Variants in PEBP4 observed in about 807,000 individuals in gnomAD.
PEBP4 encodes phosphatidylethanolamine binding protein 4.
Under a neutral mutation model 23.9 loss-of-function variants are expected in PEBP4, and 22 were observed. The observed-to-expected ratio is 0.92, with a 90% CI of 0.66 to 1.31. The LOEUF (loss-of-function observed/expected upper bound fraction) is 1.31. Ranked by LOEUF, PEBP4 falls within the 40% of genes most tolerant of loss-of-function variation. The pLI is 0.00. For synonymous variants in PEBP4, 112 were observed against 99.3 expected (o/e 1.13, Z -0.76); for missense variants, 324 against 281.7 (o/e 1.15, Z -1.07).
chr8:22,924,213 A>C (rs1299855769), intron 2 of PEBP4, among the ~76,000 whole-genome samples: 1 of 152,038 alleles, frequency 6.6e-6, no homozygotes, highest in African/African-American at 2.4e-5. Flanking sequence ...AAAATAAGAA[A>C]CTTAGCCAGG....
At chr8:22,860,116 CAAA>C (rs61162189) in intron 3 of PEBP4, among the ~76,000 whole-genome samples, 44 of 91,084 alleles carry the variant, frequency 4.8e-4, no homozygotes, top group Middle Eastern at 6.0e-3. Flanking sequence ...GACTCCGTCT[CAAA>C]AAAAAAAAAA....
chr8:22,751,231 G>A (rs906274002), intron 4 of PEBP4, among the ~76,000 whole-genome samples: 3 of 152,270 alleles, frequency 2.0e-5, no homozygotes, highest in South Asian at 4.1e-4. Flanking sequence ...AAGATCCCAC[G>A]AGTAGGAGAG....
At chr8:22,869,334 G>GTTTA (rs1190450326) in intron 3 of PEBP4, among the ~76,000 whole-genome samples, 8 of 152,134 alleles carry the variant, frequency 5.3e-5, no homozygotes, top group African/African-American at 1.9e-4. Flanking sequence ...ATTTATGTTT[G>GTTTA]TTTATTTATT....
chr8:22,907,071 A>G (rs1369778934), intron 3 of PEBP4, among the ~76,000 whole-genome samples: 1 of 152,144 alleles, frequency 6.6e-6, no homozygotes, highest in Non-Finnish European at 1.5e-5. Context: ...AAGGAGAAGA[A>G]GACATGAGTT....
intron 3 of PEBP4, among the ~76,000 whole-genome samples, chr8:22,906,909 G>T (rs1429687552): frequency 6.6e-6 from 1 of 152,194 alleles, no homozygotes; most frequent in Admixed American, 6.5e-5. Flanking sequence ...AAGAAAAAAT[G>T]ATATGTAAGT....
At chr8:22,718,100 G>C (rs1804450128) in intron 6 of PEBP4, among the ~76,000 whole-genome samples, 1 of 152,190 alleles carries the variant, frequency 6.6e-6, no homozygotes, top group Non-Finnish European at 1.5e-5. Context: ...GGGCTCCAGA[G>C]GCTTTCGGGT....
At chr8:22,899,991 C>T (rs1031386433) in intron 3 of PEBP4, among the ~76,000 whole-genome samples, 2 of 152,092 alleles carry the variant, frequency 1.3e-5, no homozygotes, top group Admixed American at 6.5e-5. Flanking sequence ...AGAAGGAGAC[C>T]TGGCTTGCGG....
At chr8:22,885,315 A>G (rs1808350899) in intron 3 of PEBP4, 1 of 152,176 alleles carries the variant, frequency 6.6e-6, no homozygotes, top group South Asian at 2.1e-4. Context: ...ACTGGGGCTC[A>G]GGAGGTTAGA....
At chr8:22,933,514 T>A (rs1313110686) in intron 1 of PEBP4, among the ~76,000 whole-genome samples, 1 of 152,190 alleles carries the variant, frequency 6.6e-6, no homozygotes, top group East Asian at 1.9e-4. Flanking sequence ...ATTGGGATGA[T>A]ATAAAGTACT....
chr8:22,720,003 CT>C (rs1201426565), intron 6 of PEBP4, among the ~76,000 whole-genome samples: 2 of 152,170 alleles, frequency 1.3e-5, no homozygotes, highest in Non-Finnish European at 2.9e-5. Flanking sequence ...GTGTGAATGG[CT>C]TGTGGATGTG....
Position 22,927,615 on chromosome 8 carries a change from C to T in PEBP4, c.100G>A (p.Ala34Thr). 1.2e-6 allele frequency: 2 copies of T among 1,613,204 alleles called. No individual in the cohort carries two copies. Among genetic ancestry groups the T allele is most frequent in the South Asian group, 2.2e-5 (2 of 90,928 alleles). The change falls in exon 2 of 7, where the codon GCC becomes ACC. Residue 34 changes from alanine (A) to threonine (T), a missense_variant. Transcript: ENST00000256404. ...AAGAGGGTGTCCTCGTCCAAGAGGG[C>T]CTCATGGGCACACGGGCTGTTCTCA... ...EDENSPCAHE[A>T]LLDEDTLFCQ...
At chr8:22,860,494 T>C (rs1807754644) in intron 3 of PEBP4, among the ~76,000 whole-genome samples, 1 of 152,144 alleles carries the variant, frequency 6.6e-6, no homozygotes, top group African/African-American at 2.4e-5. Context: ...TGTCTTTTTG[T>C]GACTGGCTTA....
intron 1 of PEBP4, among the ~76,000 whole-genome samples, chr8:22,936,984 TAAC>T (rs1321723976): frequency 9.9e-5 from 15 of 152,134 alleles, no homozygotes; most frequent in African/African-American, 3.1e-4. Flanking sequence ...AGCCCACAGA[TAAC>T]AACATACTCA....
At chr8:22,872,419 C>T (rs192122525) in intron 3 of PEBP4, among the ~76,000 whole-genome samples, 321 of 152,304 alleles carry the variant, frequency 2.1e-3, no homozygotes, top group Admixed American at 3.3e-3. Flanking sequence ...GCAGTTTGCA[C>T]GAAGGTGCTG....
At chr8:22,725,975 A>C (rs1804615567) in intron 5 of PEBP4, among the ~76,000 whole-genome samples, 1 of 149,372 alleles carries the variant, frequency 6.7e-6, no homozygotes, top group Non-Finnish European at 1.5e-5. Context: ...CTTTCCCTGC[A>C]TTTTTGGATC....
At chr8:22,857,991 T>C (rs751446741) in intron 3 of PEBP4, among the ~76,000 whole-genome samples, 3 of 152,158 alleles carry the variant, frequency 2.0e-5, no homozygotes, top group East Asian at 1.9e-4. Context: ...AAACTCTTAG[T>C]TGTTAACCCA....
Position 22,740,720 on chromosome 8 carries a change from C to G in PEBP4, c.358-13500G>C, listed in dbSNP as rs113100397. Among the ~76,000 whole-genome samples the G allele has an allele frequency of 1.6e-3, 240 of 152,282 alleles. 2 individuals are homozygous for G. The highest frequency in any genetic ancestry group is 5.5e-3 in the African/African-American group (229 of 41,556). On this transcript the variant is annotated intron_variant, in intron 4 of 6. Transcript: ENST00000256404. ...CTGGGGCTCACCCTTCCCCCTGTGG[C>G]CCCAGCTCTCAAGTCAGACCCTTCA... is the stretch of plus-strand genomic sequence containing the variant.
chr8:22,813,001 C>T (rs191311834), intron 4 of PEBP4, among the ~76,000 whole-genome samples: 16 of 152,280 alleles, frequency 1.1e-4, no homozygotes, highest in Admixed American at 8.5e-4. Context: ...GAACCGATCA[C>T]TCAAGCACAA....
chr8:22,921,703 G>T (rs1264479534), intron 2 of PEBP4, among the ~76,000 whole-genome samples: 4 of 152,242 alleles, frequency 2.6e-5, no homozygotes. Flanking sequence ...GAGCAAGTTT[G>T]TTTCTTCTAA....
Sources: gnomAD v4.1 joint callset for allele counts (sites outside exome capture counted in the v4.1 genomes callset) on GRCh38, gnomAD v4.1.1 for gene constraint, MANE v1.5 for transcripts, NCBI Gene and HGNC (gene_info 2026-07-23, HGNC 2026-07-21) for gene names.